Variants in KPNA4 observed in about 807,000 individuals in gnomAD.
KPNA4 encodes karyopherin subunit alpha 4, also known as importin subunit alpha-3.
In KPNA4, 13 loss-of-function variants were observed where a neutral mutation model predicts 71.3. The observed-to-expected ratio is 0.18, with a 90% CI of 0.12 to 0.29. KPNA4 has a LOEUF of 0.29. KPNA4 is among the 10% of genes least tolerant of loss of function. KPNA4 has a pLI of 1.00. For synonymous variants in KPNA4, 189 were observed against 195.2 expected (o/e 0.97, Z 0.26); for missense variants, 334 against 603.2 (o/e 0.55, Z 4.67).
intron 12 of KPNA4, chr3:160,515,173 A>T (rs1413504950): frequency 1.9e-6 from 1 of 535,036 alleles, no homozygotes; most frequent in Admixed American, 1.9e-5. Flanking sequence ...TACATAATAT[A>T]CATATTAAAA....
intron 16 of KPNA4, among the ~76,000 whole-genome samples, 159 bp downstream of exon 16, chr3:160,504,799 A>C (rs1360548027): frequency 6.6e-6 from 1 of 152,174 alleles, no homozygotes; most frequent in Non-Finnish European, 1.5e-5. Flanking sequence ...AAAATATTGA[A>C]ATATTTGTTT....
chr3:160,535,717 C>T, intron 3 of KPNA4, 27 bp from the exon 4 acceptor site: 1 of 1,573,324 alleles, frequency 6.4e-7, no homozygotes, highest in Non-Finnish European at 8.6e-7. Context: ...AGAGAAAACT[C>T]AGTTAAAAAG....
At chr3:160,542,107 A>T (rs996526719) in intron 1 of KPNA4, among the ~76,000 whole-genome samples, 2 of 152,228 alleles carry the variant, frequency 1.3e-5, no homozygotes, top group Non-Finnish European at 2.9e-5. Context: ...ACTATGAAAG[A>T]TGGCATGTGT....
rs762165700 is a variant in KPNA4 at position 160,502,188 on chromosome 3, A to G, written c.1482T>C (p.Pro494=). 3.0e-5 allele frequency: 48 copies of G among 1,580,226 alleles called. No homozygotes were observed. Among genetic ancestry groups the G allele is most frequent in the Non-Finnish European group, 4.0e-5 (46 of 1,157,532 alleles). ...CTTGAATTGCCTCTGGAACAAGGCTAGGGTCTTCATCAATCTAGGTGAAAA... is the reference window on the plus strand; with the variant it reads ...CTTGAATTGCCTCTGGAACAAGGCTGGGGTCTTCATCAATCTAGGTGAAAA... ...FFSSDDIDED[P]SLVPEAIQGG... is the part of the protein sequence containing the mutation. Residue 494 remains proline, a synonymous_variant, in exon 17 of 17, where the codon CCT becomes CCC. Transcript: ENST00000334256.
At chr3:160,550,357 A>G (rs929102460) in intron 1 of KPNA4, among the ~76,000 whole-genome samples, 6 of 152,222 alleles carry the variant, frequency 3.9e-5, no homozygotes, top group African/African-American at 1.4e-4. Context: ...TCCTGGGCTC[A>G]AGCAATCTTC....
chr3:160,509,280 G>T (rs1378472738), intron 14 of KPNA4, among the ~76,000 whole-genome samples: 1 of 152,140 alleles, frequency 6.6e-6, no homozygotes, highest in Non-Finnish European at 1.5e-5. Flanking sequence ...TGCTGCTGAT[G>T]AATTTGTTAT....
intron 15 of KPNA4, among the ~76,000 whole-genome samples, chr3:160,507,760 T>C (rs1386842419): frequency 6.6e-6 from 1 of 152,236 alleles, no homozygotes; most frequent in Non-Finnish European, 1.5e-5. Context: ...CAGAATGGAT[T>C]AGGCATCCCA....
At chr3:160,507,039 G>A (rs2108543194) in intron 15 of KPNA4, among the ~76,000 whole-genome samples, 1 of 152,190 alleles carries the variant, frequency 6.6e-6, no homozygotes, top group East Asian at 1.9e-4. Flanking sequence ...ATAACACACT[G>A]TGTTACACAG....
intron 1 of KPNA4, among the ~76,000 whole-genome samples, chr3:160,554,832 C>T (rs913168686): frequency 7.9e-4 from 121 of 152,308 alleles, no homozygotes; most frequent in African/African-American, 2.9e-3. Context: ...TGCCCCTTCC[C>T]GCATACCACA....
In KPNA4 at chr3:160,504,028, G is replaced by A. The variant is rs1391641104; in HGVS notation, c.1467+930C>T. ...GAGCCAGGGAGGGGGAGGTTGCAGT[G>A]AGCTGTGACTGCGCCAATGCACTCC... On this transcript the variant is annotated intron_variant, in intron 16 of 16. Transcript: ENST00000334256. Among the ~76,000 whole-genome samples the A allele has an allele frequency of 2.6e-5, 4 of 152,120 alleles. No individual in the cohort carries two copies. In the East Asian group the frequency reaches 5.8e-4, roughly 22 times the overall value.
rs754218517 is a variant in KPNA4 at position 160,515,442 on chromosome 3, T to C, written c.1032+10A>G. 9.3e-6 allele frequency: 15 copies of C among 1,604,374 alleles called. No homozygotes were observed. The East Asian group carries it at 2.5e-4, about 26-fold the overall frequency. On this transcript the variant is annotated intron_variant, in intron 12 of 16. Coordinates refer to ENST00000334256, the MANE Select transcript of KPNA4 (RefSeq NM_002268.5). The stretch of plus-strand genomic sequence containing the variant: ...GTGCTATCTATTAAGTAGTATTTAA[T>C]AGTACTTACTTTATTAATTTTCTCT...
intron 1 of KPNA4, among the ~76,000 whole-genome samples, chr3:160,548,491 C>G (rs115840995): frequency 0.017 from 2,534 of 152,188 alleles, 57 homozygotes; most frequent in African/African-American, 0.046. Context: ...AACCATTATT[C>G]CTTTTCCTGT....
At chr3:160,535,171 C>A (rs573912586) in intron 5 of KPNA4, among the ~76,000 whole-genome samples, 3 of 152,102 alleles carry the variant, frequency 2.0e-5, no homozygotes, top group Non-Finnish European at 4.4e-5. Context: ...TAAAATTAAA[C>A]CTATTCATTA....
At chr3:160,541,859 T>C (rs538360567) in intron 1 of KPNA4, among the ~76,000 whole-genome samples, 2 of 152,262 alleles carry the variant, frequency 1.3e-5, no homozygotes, top group East Asian at 1.9e-4. Flanking sequence ...AAATATAACT[T>C]AGTAAAATAG....
chr3:160,507,958 G>C (rs1721019820), intron 15 of KPNA4, 149 bp downstream of exon 15: 1 of 580,502 alleles, frequency 1.7e-6, no homozygotes, highest in Admixed American at 3.7e-5. Context: ...AGGCTGAGCA[G>C]GACTGCACAT....
At chr3:160,537,437 T>C (rs1292236645) in intron 1 of KPNA4, among the ~76,000 whole-genome samples, 1 of 151,970 alleles carries the variant, frequency 6.6e-6, no homozygotes, top group African/African-American at 2.4e-5. Context: ...CCCAATTTTC[T>C]ATGGCACACC....
At chr3:160,505,594 A>G (rs544984297) in intron 15 of KPNA4, among the ~76,000 whole-genome samples, 118 of 152,348 alleles carry the variant, frequency 7.7e-4, no homozygotes, top group Non-Finnish European at 1.5e-3. Flanking sequence ...AACATTAAAA[A>G]GTATATACTT....
At chr3:160,522,609 C>G (rs1031044739) in intron 10 of KPNA4, among the ~76,000 whole-genome samples, 8 of 152,136 alleles carry the variant, frequency 5.3e-5, no homozygotes, top group Non-Finnish European at 1.0e-4. Context: ...AGGCGCATGC[C>G]GCAACGCCTG....
chr3:160,525,593 A>G (rs1721442179), intron 10 of KPNA4, among the ~76,000 whole-genome samples: 1 of 152,206 alleles, frequency 6.6e-6, no homozygotes, highest in Admixed American at 6.5e-5. Context: ...CTTAACTGGT[A>G]TTATATTTTG....
Sources: allele counts gnomAD v4.1 joint callset (sites outside exome capture counted in the v4.1 genomes callset), GRCh38; gene constraint gnomAD v4.1.1; transcripts MANE v1.5; gene names NCBI Gene and HGNC (gene_info 2026-07-23, HGNC 2026-07-21).